SNX29: variants seen among roughly 807,000 people sequenced by gnomAD.
SNX29 encodes sorting nexin 29, also known as sorting nexin-29.
A neutral mutation model predicts 102.1 loss-of-function variants in SNX29; 78 were observed. The observed-to-expected ratio is 0.76, with a 90% CI of 0.64 to 0.92. The LOEUF is 0.92. Ranked by LOEUF, SNX29 falls within the 40% of genes least tolerant of loss-of-function variation. SNX29 has a pLI of 0.00. For missense variants in SNX29, 1,280 were observed against 1,061.7 expected (o/e 1.21, Z -2.86); for synonymous variants, 580 against 414.5 (o/e 1.40, Z -4.85).
chr16:11,996,728 A>C (rs2056088005), intron 1 of SNX29, among the ~76,000 whole-genome samples: 1 of 152,108 alleles, frequency 6.6e-6, no homozygotes, highest in Non-Finnish European at 1.5e-5. Context: ...TTAGGGAGGG[A>C]AGATCAGAAT....
intron 20 of SNX29, among the ~76,000 whole-genome samples, chr16:12,541,648 C>T (rs892546867): frequency 1.3e-5 from 2 of 152,158 alleles, no homozygotes; most frequent in Admixed American, 6.5e-5. Context: ...TTCGTTCAGC[C>T]AGCTCCTAAT....
chr16:12,504,007 C>T (rs185867745), intron 19 of SNX29, among the ~76,000 whole-genome samples: 182 of 152,250 alleles, frequency 1.2e-3, no homozygotes, highest in African/African-American at 4.1e-3. Context: ...AAAATTTCAT[C>T]ACCACCAGAA....
chr16:12,567,760 C>G (rs377429422), intron 20 of SNX29, among the ~76,000 whole-genome samples: 1 of 152,130 alleles, frequency 6.6e-6, no homozygotes, highest in African/African-American at 2.4e-5. Context: ...GAGACTGTCT[C>G]CAGAAAATAC....
chr16:12,380,611 TCCATCCATCCACCCACCCA>T (rs1567502763), intron 16 of SNX29, among the ~76,000 whole-genome samples: 1 of 67,564 alleles, frequency 1.5e-5, no homozygotes. Context: ...CCATCCACCA[TCCATCCATCCACCCACCCA>T]CCATCCATCC....
chr16:12,280,305 G>A (rs1596740366), intron 15 of SNX29, among the ~76,000 whole-genome samples: 1 of 152,182 alleles, frequency 6.6e-6, no homozygotes, highest in East Asian at 1.9e-4. Context: ...GTCACCACCC[G>A]CTTTGCTTTG....
chr16:12,297,843 C>G (rs906388293), intron 15 of SNX29, among the ~76,000 whole-genome samples: 2 of 152,156 alleles, frequency 1.3e-5, no homozygotes, highest in Non-Finnish European at 2.9e-5. Flanking sequence ...CTTTGCTGAA[C>G]CTCACTTTTC....
chr16:12,201,680 C>CTG (rs2076918427), intron 14 of SNX29, among the ~76,000 whole-genome samples: 2 of 152,304 alleles, frequency 1.3e-5, no homozygotes, highest in East Asian at 1.9e-4. Flanking sequence ...TAGGATGAGG[C>CTG]TGTAGATTTG....
rs562899107 is a variant in SNX29 at position 12,059,300 on chromosome 16, A to G, written c.1125-2228A>G. Among the ~76,000 whole-genome samples, 15 of 152,238 alleles carry G rather than the reference A, an allele frequency of 9.9e-5. No individual in the cohort carries two copies. In the South Asian group the frequency reaches 2.9e-3, roughly 29 times the overall value. On this transcript the variant is annotated intron_variant, in intron 8 of 20. Coordinates refer to ENST00000566228, the MANE Select transcript of SNX29 (RefSeq NM_032167.5). ...TTCTCCTGAAAGGGCGCCCCTGACCACCTCTGGGTGCCGGCTCCGTGGTCA... is the reference window on the plus strand; with the variant it reads ...TTCTCCTGAAAGGGCGCCCCTGACCGCCTCTGGGTGCCGGCTCCGTGGTCA...
At chr16:11,989,294 TC>T (rs1448654958) in intron 1 of SNX29, among the ~76,000 whole-genome samples, 2 of 152,170 alleles carry the variant, frequency 1.3e-5, no homozygotes, top group Non-Finnish European at 2.9e-5. Context: ...AAATTGATGG[TC>T]CCCATTCTTT....
At chr16:12,374,142 C>G (rs572617136) in intron 16 of SNX29, among the ~76,000 whole-genome samples, 2 of 152,310 alleles carry the variant, frequency 1.3e-5, no homozygotes, top group Non-Finnish European at 2.9e-5. Context: ...TGTGTCTAGC[C>G]CATTCCCCAA....
intron 19 of SNX29, among the ~76,000 whole-genome samples, chr16:12,483,113 A>AGTTTTT (rs1405459629): frequency 0.01 from 629 of 60,440 alleles, 28 homozygotes; most frequent in African/African-American, 0.041. Flanking sequence ...GAAGTTATTA[A>AGTTTTT]GTTTTTTTTT....
At position 12,569,520 on chromosome 16, in the gene SNX29, C is replaced by A. The variant is rs17223442; in HGVS notation, c.*891C>A. The A allele has an allele frequency of 1.6e-3, 360 of 231,628 alleles. No individual in the cohort carries two copies. Among genetic ancestry groups the A allele is most frequent in the African/African-American group, 7.6e-3 (347 of 45,368 alleles). The allele number at this position is 231,628 out of a possible 1,614,324, so 14.3% of individuals were successfully genotyped here. ...AGGGTTTTCAAACCAGGCTCCATGA[C>A]TATGAAGTTGGACCCAGTGTGGACA... On this transcript the variant is annotated 3_prime_UTR_variant, in exon 21 of 21. Transcript: ENST00000566228.
rs2079191553 is a variant in SNX29, at chr16:12,571,719, C to T, written c.*3090C>T. 2.8e-6 allele frequency: 3 copies of T among 1,052,926 alleles called. No homozygotes were observed. The highest frequency in any genetic ancestry group is 1.0e-4 in the East Asian group (2 of 19,574). 65.2% of individuals were successfully genotyped at this position (1,052,926 alleles called of 1,614,324 possible). On this transcript the variant is annotated 3_prime_UTR_variant, in exon 21 of 21. Transcript: ENST00000566228. ...CAACAAAAGCTTCTAAGGGAGGGAGCTTAAAGGCTGCTAGAAACCTAGCCC... is the reference window on the plus strand; with the variant it reads ...CAACAAAAGCTTCTAAGGGAGGGAGTTTAAAGGCTGCTAGAAACCTAGCCC...
intron 15 of SNX29, among the ~76,000 whole-genome samples, chr16:12,285,828 G>A (rs1419428623): frequency 6.6e-6 from 1 of 152,158 alleles, no homozygotes; most frequent in Non-Finnish European, 1.5e-5. Context: ...TACTCAAAAT[G>A]AAAGGTATGA....
intron 1 of SNX29, chr16:11,983,840 C>A: frequency 3.0e-6 from 1 of 337,148 alleles, no homozygotes; most frequent in Non-Finnish European, 4.2e-6. Flanking sequence ...CTGCCACTGT[C>A]TTGTCTATAC....
chr16:12,276,479 A>T (rs1439600459), intron 14 of SNX29, among the ~76,000 whole-genome samples: 1 of 152,160 alleles, frequency 6.6e-6, no homozygotes, highest in Non-Finnish European at 1.5e-5. Flanking sequence ...GGTTTTGCTC[A>T]GCCTTCCTGA....
At chr16:12,270,519 G>T (rs2079059501) in intron 14 of SNX29, among the ~76,000 whole-genome samples, 1 of 152,164 alleles carries the variant, frequency 6.6e-6, no homozygotes, top group Non-Finnish European at 1.5e-5. Context: ...GGGATGAATG[G>T]TCTCTCATGC....
intron 18 of SNX29, among the ~76,000 whole-genome samples, chr16:12,406,312 A>G (rs114516040): frequency 0.02 from 3,054 of 152,356 alleles, 77 homozygotes; most frequent in African/African-American, 0.053. Flanking sequence ...GCTAATGATA[A>G]GAAAATATGT....
chr16:12,503,626 G>C (rs1363538782), intron 19 of SNX29, among the ~76,000 whole-genome samples: 1 of 152,130 alleles, frequency 6.6e-6, no homozygotes, highest in East Asian at 1.9e-4. Context: ...GCTTAAAGCT[G>C]GCTCCAGGGC....
Sources: gnomAD v4.1 joint callset for allele counts (sites outside exome capture counted in the v4.1 genomes callset) on GRCh38, gnomAD v4.1.1 for gene constraint, MANE v1.5 for transcripts, NCBI Gene and HGNC (gene_info 2026-07-23, HGNC 2026-07-21) for gene names.